The following TPTE2 variants were observed in gnomAD, a reference collection of about 807,000 sequenced individuals.
TPTE2 encodes the protein phosphatidylinositol 3,4,5-trisphosphate 3-phosphatase TPTE2.
A neutral mutation model predicts 78.6 loss-of-function variants in TPTE2; 53 were observed. That is an observed-to-expected ratio of 0.67 (90% CI 0.54 to 0.85). The LOEUF (loss-of-function observed/expected upper bound fraction) is 0.85. Ranked by LOEUF, TPTE2 falls within the 40% of genes least tolerant of loss-of-function variation. The probability of loss-of-function intolerance (pLI) is 0.00; values close to 1 mark genes in which losing one functional copy is unlikely to be tolerated. For missense variants in TPTE2, 461 were observed against 623.0 expected (o/e 0.74, Z 2.77); for synonymous variants, 175 against 206.2 (o/e 0.85, Z 1.30).
rs1327659372 is a variant in TPTE2, at chr13:19,530,477, T to C, written c.-44+6119A>G. 2.6e-5 allele frequency among the ~76,000 whole-genome samples: 4 copies of C among 152,218 alleles called. 1 individual carries two copies. Among genetic ancestry groups the C allele is most frequent in the African/African-American group, 9.6e-5 (4 of 41,462 alleles). ...TGGGGATAATATGTGCTTCTCTCTTTGGCTCGAGAACAGAACACTCCTTCA... is the reference window on the plus strand; with the variant it reads ...TGGGGATAATATGTGCTTCTCTCTTCGGCTCGAGAACAGAACACTCCTTCA... On this transcript the variant is annotated intron_variant, in intron 1 of 17. Coordinates refer to the TPTE2 transcript ENST00000390680.
chr13:19,483,542 T>C (rs538071226), intron 3 of TPTE2, among the ~76,000 whole-genome samples: 8 of 152,294 alleles, frequency 5.3e-5, no homozygotes, highest in African/African-American at 1.7e-4. Flanking sequence ...CTTCCCTTTT[T>C]CTTAATTAGT....
At chr13:19,480,915 A>G (rs1880307761) in intron 4 of TPTE2, among the ~76,000 whole-genome samples, 1 of 152,188 alleles carries the variant, frequency 6.6e-6, no homozygotes, top group South Asian at 2.1e-4. Context: ...GTAACAGTTA[A>G]AAACTTGTAA....
chr13:19,512,099 A>C (rs1869491035), intron 1 of TPTE2, among the ~76,000 whole-genome samples: 1 of 152,228 alleles, frequency 6.6e-6, no homozygotes, highest in Admixed American at 6.5e-5. Flanking sequence ...GATATGAACC[A>C]TAAAACAGTG....
chr13:19,560,696 G>C, the TPTE2 span: 1 of 1,510,296 alleles, frequency 6.6e-7, no homozygotes, highest in African/African-American at 1.5e-5. Flanking sequence ...TGAGACACCA[G>C]TGCATTCACT....
chr13:19,469,057 T>A (rs965727166), intron 6 of TPTE2, among the ~76,000 whole-genome samples: 5 of 152,248 alleles, frequency 3.3e-5, no homozygotes, highest in Non-Finnish European at 5.9e-5. Context: ...TTGCTTTGGT[T>A]GCCTGTGCTT....
At chr13:19,497,722 A>C (rs1881470649) in intron 1 of TPTE2, among the ~76,000 whole-genome samples, 1 of 151,372 alleles carries the variant, frequency 6.6e-6, no homozygotes, top group Non-Finnish European at 1.5e-5. Context: ...GAAAAACTGG[A>C]AACTCTAGAA....
At chr13:19,537,556 GTT>G (rs1871280239), upstream of TPTE2, among the ~76,000 whole-genome samples, 1 of 1,972 alleles carries the variant, frequency 5.1e-4, no homozygotes, top group African/African-American at 5.6e-4. Flanking sequence ...ATTTTTAGAA[GTT>G]TGTTTGTTTG....
At chr13:19,522,809 G>C (rs938526202) in intron 1 of TPTE2, among the ~76,000 whole-genome samples, 1 of 151,216 alleles carries the variant, frequency 6.6e-6, no homozygotes, top group African/African-American at 2.4e-5. Flanking sequence ...ATTTTTTTTA[G>C]TAGAGACAGG....
chr13:19,425,098 C>T (rs1375819864), intron 18 of TPTE2, 81 bp from the exon 22 acceptor site: 2 of 663,216 alleles, frequency 3.0e-6, no homozygotes, highest in East Asian at 6.1e-5. Context: ...TTTCTTTATT[C>T]CTTTATATAT....
intron 13 of TPTE2, among the ~76,000 whole-genome samples, chr13:19,445,814 G>A (rs1260971413): frequency 6.6e-6 from 1 of 152,142 alleles, no homozygotes; most frequent in Non-Finnish European, 1.5e-5. Context: ...GGTGGCGGAC[G>A]CCTGTAATCC....
chr13:19,542,911 A>G, the TPTE2 span, among the ~76,000 whole-genome samples: 6 of 151,864 alleles, frequency 4.0e-5, no homozygotes, highest in African/African-American at 1.2e-4. Flanking sequence ...GAATCACTTG[A>G]GCCCAGGAGG....
At chr13:19,497,599 A>T (rs1364199723) in intron 1 of TPTE2, among the ~76,000 whole-genome samples, 19 of 84,270 alleles carry the variant, frequency 2.3e-4, no homozygotes, top group African/African-American at 5.4e-4. Context: ...CCTGTCTGTT[A>T]GAAAGAAAAC....
chr13:19,529,678 G>C (rs1253038155), intron 1 of TPTE2, among the ~76,000 whole-genome samples: 1 of 152,150 alleles, frequency 6.6e-6, no homozygotes, highest in African/African-American at 2.4e-5. Flanking sequence ...AGGGATTAGA[G>C]ATGTACTCAG....
chr13:19,500,203 CT>C (rs1296721115), intron 1 of TPTE2, among the ~76,000 whole-genome samples: 1 of 150,736 alleles, frequency 6.6e-6, no homozygotes, highest in Non-Finnish European at 1.5e-5. Flanking sequence ...GGATTCACAG[CT>C]GAATTCTACC....
At chr13:19,497,226 G>A (rs1304151122) in intron 1 of TPTE2, among the ~76,000 whole-genome samples, 2 of 148,334 alleles carry the variant, frequency 1.3e-5, no homozygotes, top group Admixed American at 6.7e-5. Context: ...CTGGGGGAGG[G>A]GCGCCCGACA....
chr13:19,462,667 C>A (rs1428965713), intron 10 of TPTE2, among the ~76,000 whole-genome samples: 1 of 151,570 alleles, frequency 6.6e-6, no homozygotes, highest in Non-Finnish European at 1.5e-5. Flanking sequence ...TTTAGCCTCC[C>A]AAGTAACTGG....
chr13:19,514,588 TGA>T (rs1318770128), intron 1 of TPTE2, among the ~76,000 whole-genome samples: 4 of 135,542 alleles, frequency 3.0e-5, no homozygotes, highest in African/African-American at 1.3e-4. Context: ...CCAGTACTTC[TGA>T]GAGTGTGTGT....
At chr13:19,544,073 A>AAAAAC in the TPTE2 span, among the ~76,000 whole-genome samples, 1 of 149,412 alleles carries the variant, frequency 6.7e-6, no homozygotes, top group African/African-American at 2.4e-5. Context: ...AAAAAAAAAA[A>AAAAAC]AAAAAAAAAG....
At chr13:19,438,235 T>G (rs1877252496) in intron 13 of TPTE2, 82 bp from the exon 17 acceptor site, 2 of 1,509,032 alleles carry the variant, frequency 1.3e-6, no homozygotes, top group East Asian at 5.0e-5. Flanking sequence ...CATTTTAACT[T>G]GATTTTCTTT....
Sources: allele counts gnomAD v4.1 joint callset (sites outside exome capture counted in the v4.1 genomes callset), GRCh38; gene constraint gnomAD v4.1.1; transcripts MANE v1.5; gene names NCBI Gene and HGNC (gene_info 2026-07-23, HGNC 2026-07-21).